The following CTNND2 variants were observed in gnomAD, a reference collection of about 807,000 sequenced individuals.
The protein encoded by CTNND2 is catenin delta 2.
Under a neutral mutation model 144.4 loss-of-function variants are expected in CTNND2, and 22 were observed. That is an observed-to-expected ratio of 0.15 (90% CI 0.11 to 0.22). The LOEUF (loss-of-function observed/expected upper bound fraction) is 0.22. Ranked by LOEUF, CTNND2 falls within the 10% of genes least tolerant of loss-of-function variation. The pLI is 1.00. For synonymous variants in CTNND2, 751 were observed against 695.6 expected (o/e 1.08, Z -1.25); for missense variants, 1,353 against 1,618.8 (o/e 0.84, Z 2.82).
intron 2 of CTNND2, among the ~76,000 whole-genome samples, chr5:11,575,185 T>A (rs549539953): frequency 6.6e-6 from 1 of 152,222 alleles, no homozygotes; most frequent in Non-Finnish European, 1.5e-5. Context: ...GGACCATATA[T>A]GCCTTGATGA....
chr5:11,768,635 G>A (rs1039653743), intron 1 of CTNND2, among the ~76,000 whole-genome samples: 2 of 152,142 alleles, frequency 1.3e-5, no homozygotes, highest in African/African-American at 2.4e-5. Flanking sequence ...AGACATTGCT[G>A]AAGTTCACAT....
chr5:11,725,752 CAT>C (rs1434965160), intron 2 of CTNND2, among the ~76,000 whole-genome samples: 1 of 152,044 alleles, frequency 6.6e-6, no homozygotes, highest in African/African-American at 2.4e-5. Flanking sequence ...TATAGAAATA[CAT>C]GTTTTACAAA....
chr5:11,122,137 C>T (rs934725728), intron 12 of CTNND2, among the ~76,000 whole-genome samples: 1 of 151,862 alleles, frequency 6.6e-6, no homozygotes, highest in African/African-American at 2.4e-5. Flanking sequence ...GTGCTCTATG[C>T]TTACAGAATA....
chr5:11,497,527 G>GGT (rs1561477881), intron 3 of CTNND2, among the ~76,000 whole-genome samples: 3 of 81,776 alleles, frequency 3.7e-5, no homozygotes, highest in African/African-American at 1.6e-4. Context: ...GGTGGGGGGG[G>GGT]GCAATATGTG....
chr5:11,188,705 G>C (rs898202852), intron 11 of CTNND2, among the ~76,000 whole-genome samples: 15 of 152,220 alleles, frequency 9.9e-5, no homozygotes, highest in South Asian at 2.1e-4. Context: ...ACTGGTAAGA[G>C]AGCCATCCCA....
intron 2 of CTNND2, among the ~76,000 whole-genome samples, chr5:11,647,488 G>A (rs1782416845): frequency 1.3e-5 from 2 of 151,832 alleles, no homozygotes; most frequent in African/African-American, 4.8e-5. Flanking sequence ...CCACTGAAGG[G>A]TGGCTTCCAT....
chr5:11,097,733 G>T (rs1751492451), intron 15 of CTNND2, among the ~76,000 whole-genome samples: 1 of 152,118 alleles, frequency 6.6e-6, no homozygotes, highest in Non-Finnish European at 1.5e-5. Context: ...ACATGGTTTG[G>T]ATGAAAATAA....
At chr5:11,177,044 C>T (rs1045148191) in intron 11 of CTNND2, among the ~76,000 whole-genome samples, 2 of 152,142 alleles carry the variant, frequency 1.3e-5, no homozygotes, top group Non-Finnish European at 2.9e-5. Context: ...TAAAATATGA[C>T]CTCTCTTCTG....
At chr5:11,450,612 G>A (rs1012661501) in intron 3 of CTNND2, among the ~76,000 whole-genome samples, 3 of 152,030 alleles carry the variant, frequency 2.0e-5, no homozygotes, top group Non-Finnish European at 2.9e-5. Context: ...TTAAAAATGC[G>A]TCCCAGGCTG....
At chr5:11,591,723 G>A (rs1456235571) in intron 2 of CTNND2, among the ~76,000 whole-genome samples, 1 of 151,590 alleles carries the variant, frequency 6.6e-6, no homozygotes, top group Non-Finnish European at 1.5e-5. Context: ...ATTTTTCTGT[G>A]GTTATACTTT....
chr5:11,460,551 C>T (rs375375180), intron 3 of CTNND2, among the ~76,000 whole-genome samples: 1 of 152,162 alleles, frequency 6.6e-6, no homozygotes, highest in African/African-American at 2.4e-5. Context: ...ATGCTCTACC[C>T]CCATTGGGGG....
At chr5:11,692,058 A>G (rs975345358) in intron 2 of CTNND2, among the ~76,000 whole-genome samples, 4 of 152,232 alleles carry the variant, frequency 2.6e-5, no homozygotes, top group Non-Finnish European at 4.4e-5. Context: ...TGGTTTAAAA[A>G]AAAGTTTTCC....
chr5:11,723,155 T>A (rs1786781423), intron 2 of CTNND2, among the ~76,000 whole-genome samples: 1 of 152,158 alleles, frequency 6.6e-6, no homozygotes, highest in South Asian at 2.1e-4. Flanking sequence ...AATAATTAAG[T>A]GTATTTTTAT....
intron 10 of CTNND2, among the ~76,000 whole-genome samples, chr5:11,205,136 CAA>C (rs1737907950): frequency 6.6e-6 from 1 of 152,034 alleles, no homozygotes; most frequent in African/African-American, 2.4e-5. Context: ...GCCTGAGACT[CAA>C]AGTAAATTTT....
Position 11,541,517 on chromosome 5 carries a change from C to A in CTNND2, c.287+23427G>T, listed in dbSNP as rs190173793. Among the ~76,000 whole-genome samples, 661 of 152,202 alleles carry A rather than the reference C, an allele frequency of 4.3e-3. 17 individuals are homozygous for A. The highest frequency in any genetic ancestry group is 0.039 in the Admixed American group (602 of 15,294). ...GAGAGAACACATTTTCTAAATTAAG[C>A]TGAAACTTAGTGAAAAGCCTGTAGG... On this transcript the variant is annotated intron_variant, in intron 3 of 21. Transcript: ENST00000304623.
At chr5:11,208,758 G>A (rs1271125865) in intron 10 of CTNND2, among the ~76,000 whole-genome samples, 3 of 152,142 alleles carry the variant, frequency 2.0e-5, no homozygotes, top group Non-Finnish European at 4.4e-5. Flanking sequence ...ACAAAAGCCA[G>A]GAGCCATAAT....
In CTNND2 at chr5:11,396,784, G is replaced by C. The variant is rs375991482; in HGVS notation, c.612+247C>G. Among the ~76,000 whole-genome samples the C allele has an allele frequency of 2.0e-5, 3 of 152,128 alleles. No individual in the cohort carries two copies. In the East Asian group the frequency reaches 5.8e-4, roughly 29 times the overall value. Reference sequence around the variant, plus strand: ...TAGTCACACAGGGAAACATATATAAGACAGGTATAGCGTGAACAATACATA... The same window carrying C: ...TAGTCACACAGGGAAACATATATAACACAGGTATAGCGTGAACAATACATA... On this transcript the variant is annotated intron_variant, in intron 6 of 21. Coordinates refer to ENST00000304623, the MANE Select transcript of CTNND2 (RefSeq NM_001332.4).
At chr5:11,887,278 C>T (rs917294464) in intron 1 of CTNND2, among the ~76,000 whole-genome samples, 1 of 152,180 alleles carries the variant, frequency 6.6e-6, no homozygotes, top group Non-Finnish European at 1.5e-5. Flanking sequence ...CCACCACATC[C>T]GGCCTATTCT....
chr5:11,662,188 T>TATATATGTGTATATATGTATATATAC (rs1783275179), intron 2 of CTNND2, among the ~76,000 whole-genome samples: 1 of 131,498 alleles, frequency 7.6e-6, no homozygotes, highest in African/African-American at 2.8e-5. Flanking sequence ...CATATATGTG[T>TATATATGTGTATATATGTATATATAC]ATATATGTGT....
Sources: gnomAD v4.1 joint callset for allele counts (sites outside exome capture counted in the v4.1 genomes callset) on GRCh38, gnomAD v4.1.1 for gene constraint, MANE v1.5 for transcripts, NCBI Gene and HGNC (gene_info 2026-07-23, HGNC 2026-07-21) for gene names.